POTEI: variants seen among roughly 807,000 people sequenced by gnomAD.
The protein encoded by POTEI is POTE ankyrin domain family member I, also known as POTE ankyrin domain family, member I.
Under a neutral mutation model 43.4 loss-of-function variants are expected in POTEI, and 14 were observed. The ratio of observed to expected loss-of-function variants is 0.32; its 90% CI spans 0.21 to 0.50. The LOEUF (loss-of-function observed/expected upper bound fraction) is 0.50, where lower values mean the gene tolerates loss of function less well. Ranked by LOEUF, POTEI falls within the 20% of genes least tolerant of loss-of-function variation. The pLI, the probability that POTEI is intolerant of heterozygous loss-of-function variation, is 0.98. For missense variants in POTEI, 235 were observed against 795.4 expected, an observed-to-expected ratio of 0.30 and a Z score of 8.47; for synonymous variants, 95 against 297.9, an observed-to-expected ratio of 0.32 and a Z score of 7.01.
intron 9 of POTEI, among the ~76,000 whole-genome samples, chr2:130,484,218 A>C (rs1382622953): frequency 6.6e-6 from 1 of 150,838 alleles, no homozygotes; most frequent in East Asian, 2.0e-4. Flanking sequence ...TTCTAATACA[A>C]AAAACCTTTT....
At chr2:130,468,707 G>GT (rs1420972082) in intron 13 of POTEI, among the ~76,000 whole-genome samples, 4 of 151,212 alleles carry the variant, frequency 2.6e-5, no homozygotes, top group South Asian at 4.2e-4. Context: ...AACTATTGGG[G>GT]GGGGGGGTAT....
chr2:130,502,035 T>C (rs1684069993), intron 3 of POTEI, among the ~76,000 whole-genome samples: 1 of 42,710 alleles, frequency 2.3e-5, no homozygotes. Flanking sequence ...TATTGAGTGG[T>C]TCTTAAGCAG....
chr2:130,505,349 CA>C (rs1684130501), intron 1 of POTEI, among the ~76,000 whole-genome samples: 1 of 87,702 alleles, frequency 1.1e-5, no homozygotes, highest in South Asian at 6.4e-4. Context: ...CATAAATTTT[CA>C]AAAGGGCAGT....
chr2:130,486,883 A>T (rs1683591732), intron 9 of POTEI, among the ~76,000 whole-genome samples: 1 of 127,790 alleles, frequency 7.8e-6, no homozygotes, highest in Non-Finnish European at 1.7e-5. Flanking sequence ...TTTTAATAAA[A>T]GTTTTACCCA....
At chr2:130,477,372 G>A (rs1409159185) in intron 10 of POTEI, among the ~76,000 whole-genome samples, 3 of 147,208 alleles carry the variant, frequency 2.0e-5, no homozygotes, top group South Asian at 2.2e-4. Context: ...GGATGGTCTC[G>A]ATCTCCTGAC....
chr2:130,507,313 T>C (rs1418308601), intron 1 of POTEI, among the ~76,000 whole-genome samples: 103 of 8,626 alleles, frequency 0.012, 15 homozygotes, highest in Non-Finnish European at 0.047. Context: ...TATATATATA[T>C]ATATACACAC....
intron 10 of POTEI, among the ~76,000 whole-genome samples, chr2:130,477,551 T>A (rs1418906790): frequency 6.7e-6 from 1 of 149,924 alleles, no homozygotes; most frequent in African/African-American, 2.5e-5. Flanking sequence ...TTTACTGATT[T>A]TTCTACTGCA....
chr2:130,492,873 T>C (rs1343621957), intron 6 of POTEI, among the ~76,000 whole-genome samples: 18 of 151,134 alleles, frequency 1.2e-4, no homozygotes, highest in Non-Finnish European at 1.0e-4. Flanking sequence ...CCACATTGCG[T>C]TTGAGTCAGC....
chr2:130,464,500 A>G (rs1447117918), intron 14 of POTEI, among the ~76,000 whole-genome samples: 2 of 137,390 alleles, frequency 1.5e-5, no homozygotes, highest in Non-Finnish European at 3.1e-5. Context: ...CATAAAATAT[A>G]AGATTAACAA....
intron 13 of POTEI, among the ~76,000 whole-genome samples, chr2:130,468,637 C>T (rs1205734127): frequency 1.3e-5 from 2 of 151,118 alleles, no homozygotes; most frequent in Non-Finnish European, 1.5e-5. Context: ...CCCAGCTGGT[C>T]TTTCCTCAAC....
At chr2:130,504,415 CTA>C (rs1200146508) in intron 1 of POTEI, among the ~76,000 whole-genome samples, 1 of 147,766 alleles carries the variant, frequency 6.8e-6, no homozygotes. Context: ...AATATTACAG[CTA>C]ACATTGTATT....
intron 6 of POTEI, among the ~76,000 whole-genome samples, chr2:130,492,808 C>T (rs908945493): frequency 1.5e-5 from 2 of 135,200 alleles, no homozygotes; most frequent in Admixed American, 1.6e-4. Flanking sequence ...GTTATAGTGC[C>T]TATGAATTTA....
At chr2:130,494,786 G>T in intron 6 of POTEI, among the ~76,000 whole-genome samples, 1 of 140,040 alleles carries the variant, frequency 7.1e-6, no homozygotes, top group Middle Eastern at 3.2e-3. Context: ...TTTAGCCACT[G>T]TTCATCTAGT....
rs929684445 is a variant in POTEI at position 130,460,440 on chromosome 2, C to T, written c.*2376G>A. On this transcript the variant is annotated 3_prime_UTR_variant, in exon 15 of 15. Coordinates refer to ENST00000451531, the MANE Select transcript of POTEI (RefSeq NM_001277406.2). ...TGCATATAAGATGTGGCTGGTATGA[C>T]CTCAGTATTCCTAAAGTGCTGGGAT... The T allele has an allele frequency of 2.0e-5, 3 of 152,052 alleles. No homozygotes were observed. Among genetic ancestry groups the T allele is most frequent in the Middle Eastern group, 3.4e-3 (1 of 294 alleles). The allele number at this position is 152,052 out of a possible 1,614,324, so 9.4% of individuals were successfully genotyped here.
intron 13 of POTEI, among the ~76,000 whole-genome samples, chr2:130,468,733 A>G (rs1375840211): frequency 6.6e-6 from 1 of 152,126 alleles, no homozygotes. Flanking sequence ...TTTTTAAAAT[A>G]TCTAAATGTC....
chr2:130,505,093 G>T (rs540247974), intron 1 of POTEI, among the ~76,000 whole-genome samples: 99 of 150,000 alleles, frequency 6.6e-4, no homozygotes, highest in African/African-American at 2.4e-3. Flanking sequence ...ATAGGCCCCA[G>T]TGTGTGTTCC....
intron 9 of POTEI, among the ~76,000 whole-genome samples, chr2:130,483,803 G>C (rs1285056883): frequency 6.7e-6 from 1 of 149,982 alleles, no homozygotes; most frequent in African/African-American, 2.5e-5. Flanking sequence ...CACTGGTCTC[G>C]ATCTCCTGAC....
intron 10 of POTEI, among the ~76,000 whole-genome samples, chr2:130,477,500 C>A (rs558466165): frequency 6.6e-6 from 1 of 150,910 alleles, no homozygotes; most frequent in African/African-American, 2.5e-5. Flanking sequence ...TGTCTTTCCC[C>A]AAATAAACAG....
Position 130,461,564 on chromosome 2 carries a change from G to A in POTEI, c.*1252C>T, listed in dbSNP as rs965659251. On this transcript the variant is annotated 3_prime_UTR_variant, in exon 15 of 15. Transcript: ENST00000451531. ...CCGCAGGCCAGAATGGCTAGTCACC[G>A]AAAGAGCAAAGGTGGGGGCCTGCCC... 28 of 152,146 alleles carry A rather than the reference G, an allele frequency of 1.8e-4. No individual in the cohort carries two copies. Among genetic ancestry groups the A allele is most frequent in the East Asian group, 1.4e-3 (7 of 5,178 alleles). 9.4% of individuals were successfully genotyped at this position (152,146 alleles called of 1,614,324 possible).
Sources: gnomAD v4.1 joint callset for allele counts (sites outside exome capture counted in the v4.1 genomes callset) on GRCh38, gnomAD v4.1.1 for gene constraint, MANE v1.5 for transcripts, NCBI Gene and HGNC (gene_info 2026-07-23, HGNC 2026-07-21) for gene names.